RALB: variants seen among roughly 807,000 people sequenced by gnomAD.
RALB encodes the protein RAS like proto-oncogene B.
Under a neutral mutation model 21.3 loss-of-function variants are expected in RALB, and 16 were observed. The observed-to-expected ratio is 0.75, with a 90% CI of 0.51 to 1.14. RALB has a LOEUF of 1.14. Among genes scored for constraint, RALB ranks in the 50% most tolerant of loss-of-function variants. The pLI is 0.00. For missense variants in RALB, 161 were observed against 256.2 expected, an observed-to-expected ratio of 0.63 and a Z score of 2.54; for synonymous variants, 93 against 96.1, an observed-to-expected ratio of 0.97 and a Z score of 0.19.
rs1374115382 is a variant in RALB, at chr2:120,294,670, A to G, written c.*1410A>G. 2 of 161,496 alleles carry G rather than the reference A, an allele frequency of 1.2e-5. No individual in the cohort carries two copies. The highest frequency in any genetic ancestry group is 3.6e-4 in the East Asian group (2 of 5,620). 10.0% of individuals were successfully genotyped at this position (161,496 alleles called of 1,614,324 possible). On this transcript the variant is annotated 3_prime_UTR_variant, in exon 5 of 5. Transcript: ENST00000272519. ...ACAATCCTGTATCCCCTCCCAAAGA[A>G]TCATGGGCTTTTTTTTTGAATAAAA...
chr2:120,267,697 G>C (rs1689537565), intron 1 of RALB, among the ~76,000 whole-genome samples: 1 of 152,188 alleles, frequency 6.6e-6, no homozygotes, highest in African/African-American at 2.4e-5. Context: ...GTGGGACTTA[G>C]GAATGTCAGA....
At chr2:120,258,250 A>G (rs370639239) in intron 1 of RALB, among the ~76,000 whole-genome samples, 1 of 152,124 alleles carries the variant, frequency 6.6e-6, no homozygotes, top group East Asian at 1.9e-4. Flanking sequence ...TTACCTCCTC[A>G]GTGTCATCTT....
chr2:120,253,589 C>T, intron 1 of RALB: 2 of 985,482 alleles, frequency 2.0e-6, no homozygotes, highest in Non-Finnish European at 2.4e-6. Context: ...CGGTTCTTGC[C>T]GCCTGTGGGA....
intron 1 of RALB, among the ~76,000 whole-genome samples, chr2:120,256,137 G>C (rs1412977269): frequency 6.6e-6 from 1 of 152,182 alleles, no homozygotes; most frequent in Non-Finnish European, 1.5e-5. Flanking sequence ...TCTGGCTCAT[G>C]GTCTCTCCTG....
intron 1 of RALB, among the ~76,000 whole-genome samples, chr2:120,255,975 G>T (rs896575401): frequency 6.6e-6 from 1 of 152,182 alleles, no homozygotes; most frequent in African/African-American, 2.4e-5. Context: ...GGTCCTGCGT[G>T]CCTGGCTGCC....
chr2:120,264,016 T>G (rs1375666169), intron 1 of RALB, among the ~76,000 whole-genome samples: 1 of 150,900 alleles, frequency 6.6e-6, no homozygotes, highest in Non-Finnish European at 1.5e-5. Context: ...GCCCGGCTAA[T>G]TTTTGTATTT....
chr2:120,275,930 AG>A (rs1395254943), intron 1 of RALB, among the ~76,000 whole-genome samples: 1 of 152,180 alleles, frequency 6.6e-6, no homozygotes, highest in African/African-American at 2.4e-5. Context: ...AGTGAAATGC[AG>A]GGGTTTTTAC....
chr2:120,266,598 T>C (rs2104605688), intron 1 of RALB, among the ~76,000 whole-genome samples: 1 of 152,166 alleles, frequency 6.6e-6, no homozygotes, highest in South Asian at 2.1e-4. Context: ...GTAGTCCCAG[T>C]TACTTGGGAA....
At chr2:120,278,189 G>A (rs1689891801) in intron 1 of RALB, among the ~76,000 whole-genome samples, 2 of 152,044 alleles carry the variant, frequency 1.3e-5, no homozygotes, top group African/African-American at 4.8e-5. Flanking sequence ...GAGGGTAAGA[G>A]GGCAAAGCGA....
chr2:120,249,264 A>C (rs554876073), upstream of RALB, among the ~76,000 whole-genome samples: 2 of 152,062 alleles, frequency 1.3e-5, no homozygotes, highest in East Asian at 3.9e-4. Flanking sequence ...CAAACTCCTG[A>C]CCTCATGATC....
Position 120,277,940 on chromosome 2 carries a change from AGTGTGAAT to A in RALB, c.-47-666_-47-659del, listed in dbSNP as rs576879117. Among the ~76,000 whole-genome samples the A allele has an allele frequency of 8.7e-3, 674 of 77,220 alleles. 2 individuals are homozygous for A. The highest frequency in any genetic ancestry group is 0.037 in the African/African-American group (615 of 16,498). 50.7% of individuals were successfully genotyped at this position (77,220 alleles called of 152,430 possible). A position where few individuals can be genotyped will look rare whatever the true frequency, so the allele number is the denominator to read the frequency against. ...GAGTTAATGTGAGCGTGTGTGAGCG[AGTGTGAAT>A]GTGTGAATGTGAGTGAATGTGTGTG... On this transcript the variant is annotated intron_variant, in intron 1 of 4. Transcript: ENST00000272519.
chr2:120,278,981 G>A (rs988962440), intron 2 of RALB, among the ~76,000 whole-genome samples: 1 of 152,164 alleles, frequency 6.6e-6, no homozygotes, highest in Non-Finnish European at 1.5e-5. Flanking sequence ...TTTCAACTCC[G>A]GCGGGGATGT....
In RALB at chr2:120,270,615, C is replaced by G. The variant is rs985765305; in HGVS notation, c.-47-8003C>G. On this transcript the variant is annotated intron_variant, in intron 1 of 4. Coordinates refer to ENST00000272519, the MANE Select transcript of RALB (RefSeq NM_002881.3). ...ACAATGGAAAATAACTGGTTAAAAT[C>G]GGTTAGTTTTTGTTGTAAGGATTAA... Among the ~76,000 whole-genome samples, 50 of 152,044 alleles carry G rather than the reference C, an allele frequency of 3.3e-4. 1 individual carries two copies. The South Asian group carries it at 7.5e-3, about 23-fold the overall frequency.
At chr2:120,280,793 C>G in intron 2 of RALB, 3 of 363,670 alleles carry the variant, frequency 8.2e-6, no homozygotes, top group Non-Finnish European at 1.6e-5. Context: ...TTTTCATTAA[C>G]CATGCTAAAG....
At chr2:120,255,187 A>AT (rs1689167960) in intron 1 of RALB, among the ~76,000 whole-genome samples, 1 of 152,190 alleles carries the variant, frequency 6.6e-6, no homozygotes. Flanking sequence ...TCCAGATGGT[A>AT]TACAGGAGTC....
chr2:120,259,998 T>C (rs1424680284), intron 1 of RALB, among the ~76,000 whole-genome samples: 1 of 152,220 alleles, frequency 6.6e-6, no homozygotes, highest in African/African-American at 2.4e-5. Flanking sequence ...GCCTGGCTGC[T>C]AAGTCCCTCA....
intron 4 of RALB, among the ~76,000 whole-genome samples, chr2:120,290,533 C>G (rs1414925543): frequency 6.6e-6 from 1 of 152,022 alleles, no homozygotes; most frequent in Non-Finnish European, 1.5e-5. Flanking sequence ...CAGATTTGTT[C>G]TTTTCACCTT....
chr2:120,293,139 A>G lies in RALB; in HGVS notation c.502-2A>G. ...TTTTTACTCTTTACTCCTCACCCCC[A>G]GGTGTTCTTTGACCTAATGAGAGAA... On this transcript the variant is annotated splice_acceptor_variant, in intron 4 of 4. Transcript: ENST00000272519. LOFTEE classifies it high-confidence loss of function. 6.2e-7 allele frequency: 1 copy of G among 1,606,926 alleles called. No individual in the cohort carries two copies. The highest frequency in any genetic ancestry group is 8.5e-7 in the Non-Finnish European group (1 of 1,177,620).
intron 2 of RALB, among the ~76,000 whole-genome samples, chr2:120,280,485 G>A (rs953622833): frequency 2.7e-5 from 4 of 149,856 alleles, no homozygotes; most frequent in African/African-American, 7.4e-5. Context: ...TCACTCATAA[G>A]TGGGAGTTGA....
Sources: gnomAD v4.1 joint callset for allele counts (sites outside exome capture counted in the v4.1 genomes callset) on GRCh38, gnomAD v4.1.1 for gene constraint, MANE v1.5 for transcripts, NCBI Gene and HGNC (gene_info 2026-07-23, HGNC 2026-07-21) for gene names.